The following CREB3L2 variants were observed in gnomAD, a reference collection of about 807,000 sequenced individuals.
CREB3L2 encodes the protein cAMP responsive element binding protein 3 like 2, also known as cyclic AMP-responsive element-binding protein 3-like protein 2.
A neutral mutation model predicts 57.2 loss-of-function variants in CREB3L2; 23 were observed. The observed-to-expected ratio is 0.40, with a 90% confidence interval of 0.29 to 0.57. The LOEUF is 0.57. Among genes scored for constraint, CREB3L2 ranks in the 20% least tolerant of loss-of-function variants. CREB3L2 has a pLI of 0.42. For missense variants in CREB3L2, 628 were observed against 634.7 expected, an observed-to-expected ratio of 0.99 and a Z score of 0.11; for synonymous variants, 268 against 265.1, an observed-to-expected ratio of 1.01 and a Z score of -0.11.
At chr7:137,885,249 T>C in intron 9 of CREB3L2, 128 bp from the exon 10 acceptor site, 1 of 1,220,224 alleles carries the variant, frequency 8.2e-7, no homozygotes, top group Non-Finnish European at 1.2e-6. Context: ...ACCAGTCACA[T>C]CACCAGAGTG....
At chr7:137,900,867 T>C (rs1459809881) in intron 8 of CREB3L2, among the ~76,000 whole-genome samples, 8 of 152,144 alleles carry the variant, frequency 5.3e-5, no homozygotes. Flanking sequence ...TATCATTTGC[T>C]ACTAAAATTA....
intron 1 of CREB3L2, among the ~76,000 whole-genome samples, chr7:137,973,924 C>A (rs924475791): frequency 1.4e-4 from 21 of 152,096 alleles, no homozygotes; most frequent in Admixed American, 1.3e-4. Flanking sequence ...AATAACTGCT[C>A]ATCATTGTCT....
intron 1 of CREB3L2, among the ~76,000 whole-genome samples, chr7:137,978,237 G>A (rs143004024): frequency 2.0e-4 from 31 of 152,278 alleles, no homozygotes; most frequent in African/African-American, 7.2e-4. Context: ...TCTATACAGA[G>A]ATAACTCTCT....
At chr7:137,930,377 T>C (rs1223352938) in intron 1 of CREB3L2, among the ~76,000 whole-genome samples, 1 of 152,200 alleles carries the variant, frequency 6.6e-6, no homozygotes, top group Non-Finnish European at 1.5e-5. Context: ...TGGCAAATAA[T>C]GAGGCTTGGG....
intron 1 of CREB3L2, chr7:137,953,349 C>T (rs1279494791): frequency 5.1e-6 from 3 of 591,554 alleles, no homozygotes; most frequent in African/African-American, 3.8e-5. Context: ...ACATTCCTTC[C>T]TTATGACCAA....
intron 8 of CREB3L2, among the ~76,000 whole-genome samples, chr7:137,892,053 C>A (rs907169179): frequency 6.6e-6 from 1 of 152,162 alleles, no homozygotes; most frequent in Non-Finnish European, 1.5e-5. Context: ...TATGGAAGCA[C>A]CTAGAGCAGT....
intron 1 of CREB3L2, among the ~76,000 whole-genome samples, chr7:137,940,305 G>A (rs1486286126): frequency 2.6e-5 from 4 of 152,160 alleles, no homozygotes; most frequent in Non-Finnish European, 5.9e-5. Context: ...ATCTTTCAGT[G>A]AAGGCACAAG....
intron 1 of CREB3L2, among the ~76,000 whole-genome samples, chr7:137,979,642 C>T (rs924496617): frequency 9.9e-5 from 15 of 152,126 alleles, no homozygotes; most frequent in South Asian, 2.1e-4. Context: ...AGGAGAATGG[C>T]GTGAACCCGA....
At chr7:137,993,949 T>C (rs1254419427) in intron 1 of CREB3L2, among the ~76,000 whole-genome samples, 2 of 152,212 alleles carry the variant, frequency 1.3e-5, no homozygotes, top group African/African-American at 4.8e-5. Context: ...ATGAATAACC[T>C]ATACAATTTG....
chr7:137,951,838 T>C (rs891165039), intron 1 of CREB3L2, among the ~76,000 whole-genome samples: 5 of 152,088 alleles, frequency 3.3e-5, no homozygotes, highest in Non-Finnish European at 5.9e-5. Context: ...AAAAATGTTT[T>C]AATTAGCTGG....
chr7:137,908,592 A>G (rs1374007405), intron 4 of CREB3L2, among the ~76,000 whole-genome samples, 156 bp from the exon 5 acceptor site: 2 of 152,150 alleles, frequency 1.3e-5, no homozygotes, highest in African/African-American at 4.8e-5. Context: ...CTCCTTTTGT[A>G]TGAAAAAGGA....
chr7:137,981,891 A>G (rs1280405748), intron 1 of CREB3L2, among the ~76,000 whole-genome samples: 6 of 152,370 alleles, frequency 3.9e-5, no homozygotes, highest in African/African-American at 1.2e-4. Context: ...GTACAGAGGC[A>G]CAGGGCAGCT....
chr7:137,954,240 A>C (rs1054485088), intron 1 of CREB3L2, among the ~76,000 whole-genome samples: 1 of 152,118 alleles, frequency 6.6e-6, no homozygotes, highest in African/African-American at 2.4e-5. Context: ...AAAGTGTAGG[A>C]TCTTAGTGCT....
intron 1 of CREB3L2, among the ~76,000 whole-genome samples, chr7:137,977,873 A>G (rs111863274): frequency 0.075 from 11,427 of 151,546 alleles, 615 homozygotes; most frequent in African/African-American, 0.15. Flanking sequence ...GTGAACCGAG[A>G]TCATGCCACT....
In CREB3L2 at chr7:137,980,575, T is replaced by C. The variant is rs28607939; in HGVS notation, c.102+21029A>G. ...GAGAAGACTTGCTGGTGCCCAGGGC[T>C]TACCCCAAGCATTGCAGACACCTGT... On this transcript the variant is annotated intron_variant, in intron 1 of 11. Coordinates refer to ENST00000330387, the MANE Select transcript of CREB3L2 (RefSeq NM_194071.4). This position sits in a 1 kb window ranked among gnomAD's most constrained non-coding sequence, Gnocchi z 4.3. 0.11 allele frequency among the ~76,000 whole-genome samples: 16,191 copies of C among 152,174 alleles called. 1,051 individuals are homozygous for C. The highest frequency in any genetic ancestry group is 0.23 in the East Asian group (1,208 of 5,166).
At chr7:137,990,625 G>A (rs537969899) in intron 1 of CREB3L2, among the ~76,000 whole-genome samples, 124 of 152,248 alleles carry the variant, frequency 8.1e-4, no homozygotes, top group Non-Finnish European at 1.5e-3. Context: ...GGGGAAGGAA[G>A]GAGTTAATGG....
rs1489656107 is a variant in CREB3L2, at chr7:137,922,449, T to C, written c.319+5701A>G. 55 of 102,230 alleles carry C rather than the reference T, an allele frequency of 5.4e-4. 7 individuals are homozygous for C. The highest frequency in any genetic ancestry group is 4.0e-3 in the African/African-American group (47 of 11,774). 6.3% of individuals were successfully genotyped at this position (102,230 alleles called of 1,614,324 possible). A position where few individuals can be genotyped will look rare whatever the true frequency, so the allele number is the denominator to read the frequency against. On this transcript the variant is annotated intron_variant, in intron 2 of 11. Coordinates refer to ENST00000330387, the MANE Select transcript of CREB3L2 (RefSeq NM_194071.4). ...ATATATATATATACGTATATATATA[T>C]ATATACACACATATATATATACACA...
intron 1 of CREB3L2, among the ~76,000 whole-genome samples, chr7:137,986,896 G>A (rs1801801587): frequency 6.6e-6 from 1 of 152,214 alleles, no homozygotes; most frequent in Non-Finnish European, 1.5e-5. Context: ...ACAAGAAAAC[G>A]TGTCTGTGAA....
intron 1 of CREB3L2, among the ~76,000 whole-genome samples, chr7:137,991,456 G>A (rs948694144): frequency 3.9e-5 from 6 of 151,970 alleles, no homozygotes; most frequent in East Asian, 2.0e-4. Flanking sequence ...GAGCCACCGC[G>A]CCTGGCCTTA....
Sources: allele counts gnomAD v4.1 joint callset (sites outside exome capture counted in the v4.1 genomes callset), GRCh38; gene constraint gnomAD v4.1.1; non-coding constraint Gnocchi (gnomAD v3.1); transcripts MANE v1.5; gene names NCBI Gene and HGNC (gene_info 2026-07-23, HGNC 2026-07-21).